ZNF462: variants seen among roughly 807,000 people sequenced by gnomAD.
ZNF462 encodes the protein zinc finger protein 462.
A neutral mutation model predicts 201.9 loss-of-function variants in ZNF462; 10 were observed. The ratio of observed to expected loss-of-function variants is 0.05; its 90% CI spans 0.03 to 0.08. ZNF462 has a LOEUF of 0.08. ZNF462 is among the 10% of genes least tolerant of loss of function. ZNF462 has a pLI of 1.00. For synonymous variants in ZNF462, 1,227 were observed against 1,193.3 expected, an observed-to-expected ratio of 1.03 and a Z score of -0.58; for missense variants, 2,523 against 3,168.3, an observed-to-expected ratio of 0.80 and a Z score of 4.89.
intron 7 of ZNF462, among the ~76,000 whole-genome samples, chr9:106,969,885 A>T (rs1826500250): frequency 6.6e-6 from 1 of 152,202 alleles, no homozygotes; most frequent in South Asian, 2.1e-4. Flanking sequence ...GACAGAAGCT[A>T]TCTGGGGATC....
In ZNF462 at chr9:106,924,554, C is replaced by T; in HGVS notation, c.642C>T (p.Asp214=). 1 of 1,614,162 alleles carries T rather than the reference C, an allele frequency of 6.2e-7. No individual in the cohort carries two copies. Among genetic ancestry groups the T allele is most frequent in the Non-Finnish European group, 8.5e-7 (1 of 1,180,026 alleles). The change falls in exon 3 of 13, where the codon GAC becomes GAT. Residue 214 remains aspartate, a synonymous_variant. Coordinates refer to ENST00000277225, the MANE Select transcript of ZNF462 (RefSeq NM_021224.6). The surrounding 1 kb of genome is among the most constrained non-coding windows in gnomAD (Gnocchi z 6.2). ...DPVVPPVSLQ[D]PCKELPAEVV... is the part of the protein sequence containing the mutation. ...TGGTTCCGCCCGTATCACTGCAGGA[C>T]CCCTGCAAGGAACTGCCAGCAGAGG...
intron 7 of ZNF462, among the ~76,000 whole-genome samples, chr9:106,960,990 G>A (rs964706566): frequency 1.3e-5 from 2 of 152,078 alleles, no homozygotes; most frequent in African/African-American, 4.8e-5. Context: ...AGGTAAAACA[G>A]TGTATACAGT....
rs1474865256 is a variant in ZNF462, at chr9:106,991,838, CTACA to C, written c.7056+7430_7056+7433del. Among the ~76,000 whole-genome samples the C allele has an allele frequency of 8.1e-3, 1,033 of 128,212 alleles. 20 individuals are homozygous for C. The highest frequency in any genetic ancestry group is 0.03 in the African/African-American group (996 of 33,078). 84.1% of individuals were successfully genotyped at this position (128,212 alleles called of 152,430 possible). On this transcript the variant is annotated intron_variant, in intron 10 of 12. Transcript: ENST00000277225. ...TGACCCTTGACCTTTACAGCACTCT[CTACA>C]CACACACACACACACACACACACAC...
chr9:106,918,280 G>C (rs1335457372), intron 1 of ZNF462, among the ~76,000 whole-genome samples: 1 of 152,142 alleles, frequency 6.6e-6, no homozygotes, highest in African/African-American at 2.4e-5. Flanking sequence ...AATTTGGAGG[G>C]CATATGCCCA....
rs1220647733 is a variant in ZNF462 at position 107,012,233 on chromosome 9, C to T, written c.*1203C>T. The T allele has an allele frequency of 1.3e-5, 2 of 149,814 alleles. No homozygotes were observed. The highest frequency in any genetic ancestry group is 3.0e-5 in the Non-Finnish European group (2 of 67,654). The allele number at this position is 149,814 out of a possible 1,614,324, so 9.3% of individuals were successfully genotyped here. On this transcript the variant is annotated 3_prime_UTR_variant, in exon 13 of 13. Transcript: ENST00000277225. ...TTGCCTGTCAAATTCACGCATTATC[C>T]GTCTCATAAATAATTTCTGTTAGGA...
chr9:106,863,019 G>A (rs1827121597), upstream of ZNF462: 2 of 396,910 alleles, frequency 5.0e-6, no homozygotes, highest in African/African-American at 4.1e-5. Context: ...CACAGAGGGA[G>A]GGAGAGAGAG....
intron 7 of ZNF462, among the ~76,000 whole-genome samples, chr9:106,943,059 C>CGCGCGCGCGTGT (rs374167214): frequency 1.2e-4 from 17 of 143,244 alleles, no homozygotes; most frequent in African/African-American, 4.2e-4. Context: ...TTTGCGCGCG[C>CGCGCGCGCGTGT]GTGTGTGTGT....
At chr9:106,987,948 C>A (rs926667618) in intron 10 of ZNF462, among the ~76,000 whole-genome samples, 1 of 152,128 alleles carries the variant, frequency 6.6e-6, no homozygotes, top group Admixed American at 6.5e-5. Flanking sequence ...GTTTTGTTTG[C>A]TTTGCCAAAG....
At chr9:106,943,059 C>CGCGCGTGTGT (rs374167214) in intron 7 of ZNF462, among the ~76,000 whole-genome samples, 20 of 143,244 alleles carry the variant, frequency 1.4e-4, no homozygotes, top group African/African-American at 5.0e-4. Flanking sequence ...TTTGCGCGCG[C>CGCGCGTGTGT]GTGTGTGTGT....
chr9:106,991,776 A>G (rs1828286933), intron 10 of ZNF462, among the ~76,000 whole-genome samples: 1 of 151,134 alleles, frequency 6.6e-6, no homozygotes, highest in South Asian at 2.1e-4. Flanking sequence ...TTTTTTTTAA[A>G]TGGTGCTGAA....
At chr9:106,898,118 TG>T (rs1828890097) in intron 1 of ZNF462, among the ~76,000 whole-genome samples, 2 of 152,268 alleles carry the variant, frequency 1.3e-5, no homozygotes, top group African/African-American at 4.8e-5. Flanking sequence ...CTTGAAACTT[TG>T]TTATTAAACT....
At chr9:106,893,319 G>A (rs1278145852) in intron 1 of ZNF462, among the ~76,000 whole-genome samples, 1 of 152,186 alleles carries the variant, frequency 6.6e-6, no homozygotes, top group African/African-American at 2.4e-5. Context: ...CAAATGCTTT[G>A]TAGTCTTTTA....
At chr9:106,959,344 C>G (rs1831724327) in intron 7 of ZNF462, among the ~76,000 whole-genome samples, 1 of 152,100 alleles carries the variant, frequency 6.6e-6, no homozygotes, top group African/African-American at 2.4e-5. Flanking sequence ...GATCCCTGTT[C>G]CACTTGATTC....
At position 106,872,736 on chromosome 9, in the gene ZNF462, A is replaced by C. The variant is rs537460344; in HGVS notation, c.-31+9381A>C. Among the ~76,000 whole-genome samples the C allele has an allele frequency of 1.3e-5, 2 of 152,138 alleles. No individual in the cohort carries two copies. Among genetic ancestry groups the C allele is most frequent in the East Asian group, 3.9e-4 (2 of 5,194 alleles). On this transcript the variant is annotated intron_variant, in intron 1 of 12. Transcript: ENST00000277225. The surrounding 1 kb of genome is among the most constrained non-coding windows in gnomAD (Gnocchi z 4.5). ...TTCCCCCCTTTCTGCTGTCAATTGA[A>C]TATTGTCTGTTCTAATACTGGGTAA... is the stretch of plus-strand genomic sequence containing the variant.
intron 1 of ZNF462, among the ~76,000 whole-genome samples, chr9:106,904,331 A>G (rs1330728287): frequency 1.3e-5 from 2 of 152,162 alleles, no homozygotes; most frequent in African/African-American, 4.8e-5. Context: ...TTTATAGGTT[A>G]CCTGGTGCTT....
At chr9:106,908,924 T>TAC (rs2131272834) in intron 1 of ZNF462, among the ~76,000 whole-genome samples, 1 of 31,728 alleles carries the variant, frequency 3.2e-5, no homozygotes, top group East Asian at 7.7e-4. Context: ...TATATATATA[T>TAC]ATATATATAT....
chr9:106,947,938 A>G (rs1341340427), intron 7 of ZNF462, among the ~76,000 whole-genome samples: 1 of 152,216 alleles, frequency 6.6e-6, no homozygotes, highest in Non-Finnish European at 1.5e-5. Flanking sequence ...TTAAGTTAAC[A>G]GATGTACAGA....
At position 106,876,091 on chromosome 9, in the gene ZNF462, T is replaced by A. The variant is rs963479642; in HGVS notation, c.-31+12736T>A. Among the ~76,000 whole-genome samples the A allele has an allele frequency of 3.3e-5, 5 of 152,182 alleles. No individual in the cohort carries two copies. The highest frequency in any genetic ancestry group is 1.2e-4 in the African/African-American group (5 of 41,440). On this transcript the variant is annotated intron_variant, in intron 1 of 12. Coordinates refer to ENST00000277225, the MANE Select transcript of ZNF462 (RefSeq NM_021224.6). The surrounding 1 kb of genome is among the most constrained non-coding windows in gnomAD (Gnocchi z 4.9). ...GGGTCTCTGTTAAGAAAGTGATGTGTAGTAGGTGGAATATACTCTTTGGGG... is the reference window on the plus strand; with the variant it reads ...GGGTCTCTGTTAAGAAAGTGATGTGAAGTAGGTGGAATATACTCTTTGGGG...
chr9:106,942,456 T>C (rs1830913714), intron 7 of ZNF462, among the ~76,000 whole-genome samples: 6 of 152,214 alleles, frequency 3.9e-5, no homozygotes, highest in Admixed American at 3.9e-4. Context: ...ATCCTCTATA[T>C]ATTCATGATG....
Sources: allele counts gnomAD v4.1 joint callset (sites outside exome capture counted in the v4.1 genomes callset), GRCh38; gene constraint gnomAD v4.1.1; non-coding constraint Gnocchi (gnomAD v3.1); transcripts MANE v1.5; gene names NCBI Gene and HGNC (gene_info 2026-07-23, HGNC 2026-07-21).